ENTREP1: variants seen among roughly 807,000 people sequenced by gnomAD.
ENTREP1 encodes Friedreich ataxia region gene X123.
chr9:69,385,915 G>A, the ENTREP1 span: 2 of 1,613,048 alleles, frequency 1.2e-6, no homozygotes, highest in African/African-American at 1.3e-5. Flanking sequence ...AGGTCGAAGA[G>A]TGACCCTGTG....
the ENTREP1 span, among the ~76,000 whole-genome samples, chr9:69,330,089 GTTCCACTGGGTTTAATTAGA>G: frequency 7.1e-6 from 1 of 141,472 alleles, no homozygotes; most frequent in South Asian, 2.5e-4. Context: ...AGTTAACTAG[GTTCCACTGGGTTTAATTAGA>G]TTCCACTGGG....
At chr9:69,380,070 G>T in the ENTREP1 span, 1 of 152,240 alleles carries the variant, frequency 6.6e-6, no homozygotes, top group African/African-American at 2.4e-5. Context: ...CTAGAAAGAA[G>T]GCCGAAGGAG....
the ENTREP1 span, among the ~76,000 whole-genome samples, chr9:69,364,468 G>A: frequency 1.6e-4 from 25 of 151,682 alleles, no homozygotes; most frequent in East Asian, 1.9e-3. Flanking sequence ...TTGCTGAGTC[G>A]TCTTTGTGAC....
the ENTREP1 span, chr9:69,325,014 G>A: frequency 6.1e-6 from 6 of 985,262 alleles, no homozygotes; most frequent in Non-Finnish European, 6.0e-6. Context: ...CCCTGAGGCT[G>A]TGGCGCACTT....
the ENTREP1 span, chr9:69,371,661 G>A: frequency 8.2e-7 from 1 of 1,218,746 alleles, no homozygotes; most frequent in Non-Finnish European, 1.2e-6. Context: ...TGGCTTGTCA[G>A]GTGTTCCTGG....
chr9:69,335,517 A>G, the ENTREP1 span, among the ~76,000 whole-genome samples: 1 of 152,158 alleles, frequency 6.6e-6, no homozygotes, highest in Non-Finnish European at 1.5e-5. Context: ...GAGGGCAGGT[A>G]CTTGGTAGGA....
the ENTREP1 span, chr9:69,388,223 A>G: frequency 1.2e-6 from 2 of 1,614,068 alleles, no homozygotes; most frequent in Admixed American, 1.7e-5. Context: ...GGCTGCAGTG[A>G]CTCTGAGGAG....
chr9:69,345,488 C>G, the ENTREP1 span, among the ~76,000 whole-genome samples: 1 of 152,190 alleles, frequency 6.6e-6, no homozygotes, highest in South Asian at 2.1e-4. Flanking sequence ...ATCTATCCAT[C>G]TACCTATATC....
chr9:69,367,728 A>AAAATATATATATACATATAT, the ENTREP1 span, among the ~76,000 whole-genome samples: 2 of 49,148 alleles, frequency 4.1e-5, no homozygotes, highest in African/African-American at 1.2e-4. Flanking sequence ...CATATATATA[A>AAAATATATATATACATATAT]AAATATATAT....
chr9:69,383,745 A>G, the ENTREP1 span: 9 of 1,614,148 alleles, frequency 5.6e-6, no homozygotes, highest in South Asian at 9.9e-5. Flanking sequence ...GGTGAGCCAG[A>G]TGGACCAGGA....
chr9:69,386,063 A>G, the ENTREP1 span: 1 of 927,798 alleles, frequency 1.1e-6, no homozygotes, highest in African/African-American at 1.7e-5. Context: ...GGTCATTTGA[A>G]GGAGCTTATG....
At chr9:69,340,693 GTATGTGTGTGTGTATGTGTGTGTGCA>G in the ENTREP1 span, among the ~76,000 whole-genome samples, 16 of 134,292 alleles carry the variant, frequency 1.2e-4, no homozygotes, top group African/African-American at 1.7e-4. Flanking sequence ...ATGTGTGTGT[GTATGTGTGTGTGTATGTGTGTGTGCA>G]TGCATGTGTG....
At chr9:69,373,417 T>C in the ENTREP1 span, among the ~76,000 whole-genome samples, 1 of 152,202 alleles carries the variant, frequency 6.6e-6, no homozygotes, top group East Asian at 1.9e-4. Flanking sequence ...TATTTCATAA[T>C]GTTTTCATGG....
At chr9:69,391,623 G>A in the ENTREP1 span, 1 of 1,614,088 alleles carries the variant, frequency 6.2e-7, no homozygotes, top group East Asian at 2.2e-5. Flanking sequence ...TTGCAGCCCA[G>A]CACATCCAGG....
At chr9:69,325,282 ACCCGGCCG>A in the ENTREP1 span, 2 of 40,554 alleles carry the variant, frequency 4.9e-5, no homozygotes, top group Non-Finnish European at 5.5e-5. Flanking sequence ...AGCCGGCCGC[ACCCGGCCG>A]CACCCTTCCC....
At chr9:69,388,104 A>G in the ENTREP1 span, 1 of 1,613,514 alleles carries the variant, frequency 6.2e-7, no homozygotes, top group Non-Finnish European at 8.5e-7. Context: ...AGGTACAGGC[A>G]TATGTTCAAA....
At chr9:69,386,070 T>C in the ENTREP1 span, 40 of 836,846 alleles carry the variant, frequency 4.8e-5, no homozygotes, top group African/African-American at 8.7e-5. Context: ...TGAAGGAGCT[T>C]ATGAGGTCTT....
chr9:69,376,758 T>C, the ENTREP1 span, among the ~76,000 whole-genome samples: 1 of 152,178 alleles, frequency 6.6e-6, no homozygotes, highest in Non-Finnish European at 1.5e-5. Context: ...GGACTTAGCT[T>C]GGGGAAAGCC....
chr9:69,355,830 G>A, the ENTREP1 span, among the ~76,000 whole-genome samples: 1,936 of 152,256 alleles, frequency 0.013, 37 homozygotes, highest in Admixed American at 0.049. Context: ...TGACGAGAGC[G>A]TGAACATGCG....
Sources: allele counts gnomAD v4.1 joint callset (sites outside exome capture counted in the v4.1 genomes callset), GRCh38; gene constraint gnomAD v4.1.1; transcripts MANE v1.5; gene names NCBI Gene and HGNC (gene_info 2026-07-23, HGNC 2026-07-21).